NAALADL2: variants seen among roughly 807,000 people sequenced by gnomAD.
NAALADL2 encodes inactive N-acetylated-alpha-linked acidic dipeptidase-like protein 2.
Under a neutral mutation model 87.2 loss-of-function variants are expected in NAALADL2, and 76 were observed. The ratio of observed to expected loss-of-function variants is 0.87; its 90% CI spans 0.72 to 1.05. The LOEUF is 1.05. Among genes scored for constraint, NAALADL2 ranks in the 50% least tolerant of loss-of-function variants. The probability of loss-of-function intolerance (pLI) is 0.00; values close to 1 mark genes in which losing one functional copy is unlikely to be tolerated. For synonymous variants in NAALADL2, 354 were observed against 331.0 expected (o/e 1.07, Z -0.75); for missense variants, 1,089 against 945.8 (o/e 1.15, Z -1.99).
intron 1 of NAALADL2, among the ~76,000 whole-genome samples, chr3:174,499,547 AG>A (rs750873723): frequency 5.3e-5 from 8 of 152,114 alleles, no homozygotes; most frequent in Non-Finnish European, 1.2e-4. Flanking sequence ...TTATTCTAAA[AG>A]TTTTACAGTT....
intron 2 of NAALADL2, among the ~76,000 whole-genome samples, chr3:175,217,142 AG>A (rs1742677480): frequency 6.6e-6 from 1 of 152,234 alleles, no homozygotes; most frequent in Non-Finnish European, 1.5e-5. Flanking sequence ...TAATGAAAAA[AG>A]AACAATTTTA....
At chr3:175,421,478 C>A (rs1217805089) in intron 5 of NAALADL2, among the ~76,000 whole-genome samples, 1 of 152,038 alleles carries the variant, frequency 6.6e-6, no homozygotes, top group Non-Finnish European at 1.5e-5. Context: ...ACCTATCTAC[C>A]TTCTTATGCT....
At chr3:175,047,272 A>T (rs139597673) in intron 1 of NAALADL2, among the ~76,000 whole-genome samples, 53 of 152,294 alleles carry the variant, frequency 3.5e-4, no homozygotes, top group African/African-American at 1.1e-3. Context: ...TAACATTCAC[A>T]TTGTCATTAT....
chr3:174,852,553 G>A (rs1284771129), intron 3 of NAALADL2, among the ~76,000 whole-genome samples: 1 of 151,956 alleles, frequency 6.6e-6, no homozygotes, highest in Non-Finnish European at 1.5e-5. Context: ...ATTGATGAAA[G>A]AAATTGAAGA....
chr3:175,711,464 A>G (rs901231974), intron 11 of NAALADL2, among the ~76,000 whole-genome samples: 3 of 151,878 alleles, frequency 2.0e-5, no homozygotes, highest in Admixed American at 1.3e-4. Context: ...GGGCAATTAA[A>G]TTATATGTCT....
chr3:174,574,093 G>C (rs561673409), intron 2 of NAALADL2, among the ~76,000 whole-genome samples: 94 of 152,082 alleles, frequency 6.2e-4, no homozygotes, highest in Non-Finnish European at 1.1e-3. Flanking sequence ...ATTTTGAATA[G>C]TTTTCTGTGT....
chr3:175,332,019 C>A (rs962218227), intron 5 of NAALADL2, among the ~76,000 whole-genome samples: 2 of 152,004 alleles, frequency 1.3e-5, no homozygotes, highest in African/African-American at 4.8e-5. Flanking sequence ...TAAATTTAAA[C>A]AAGGAAATTA....
intron 4 of NAALADL2, among the ~76,000 whole-genome samples, chr3:175,291,425 C>G (rs1755622382): frequency 6.6e-6 from 1 of 151,998 alleles, no homozygotes; most frequent in East Asian, 1.9e-4. Flanking sequence ...ATAAGCTTTA[C>G]CAAGTAATTA....
chr3:174,523,128 C>A (rs938460813), intron 1 of NAALADL2, among the ~76,000 whole-genome samples: 1 of 152,014 alleles, frequency 6.6e-6, no homozygotes, highest in Admixed American at 6.5e-5. Flanking sequence ...CTGTGAGAAA[C>A]AAATGTCTTG....
At chr3:175,041,812 A>G (rs1364450894) in intron 1 of NAALADL2, among the ~76,000 whole-genome samples, 1 of 152,146 alleles carries the variant, frequency 6.6e-6, no homozygotes, top group African/African-American at 2.4e-5. Context: ...ACAAGCAAAA[A>G]TTGTACATAT....
At chr3:175,453,266 T>A (rs937416931) in intron 6 of NAALADL2, among the ~76,000 whole-genome samples, 2 of 152,160 alleles carry the variant, frequency 1.3e-5, no homozygotes, top group Admixed American at 1.3e-4. Context: ...ATCTTTATAT[T>A]TTTATGTTAT....
At chr3:175,499,763 G>T (rs1729293192) in intron 9 of NAALADL2, among the ~76,000 whole-genome samples, 1 of 151,982 alleles carries the variant, frequency 6.6e-6, no homozygotes, top group Non-Finnish European at 1.5e-5. Flanking sequence ...CATATTAGCT[G>T]TGTTTTTATT....
intron 1 of NAALADL2, among the ~76,000 whole-genome samples, chr3:174,983,604 C>T (rs1340639666): frequency 6.6e-6 from 1 of 152,082 alleles, no homozygotes; most frequent in African/African-American, 2.4e-5. Context: ...CTGGCTGTGT[C>T]CTCACATGGT....
intron 2 of NAALADL2, among the ~76,000 whole-genome samples, chr3:174,708,790 G>C (rs1175398098): frequency 6.6e-6 from 1 of 152,082 alleles, no homozygotes; most frequent in Non-Finnish European, 1.5e-5. Context: ...GAATTTAAAG[G>C]AGTTAAAATT....
chr3:175,151,850 T>C (rs1297211799), intron 2 of NAALADL2, among the ~76,000 whole-genome samples: 1 of 152,218 alleles, frequency 6.6e-6, no homozygotes, highest in African/African-American at 2.4e-5. Flanking sequence ...TTGTAAATGC[T>C]AACATTTATT....
chr3:174,768,449 A>T (rs1220078520), intron 3 of NAALADL2, among the ~76,000 whole-genome samples: 1 of 152,100 alleles, frequency 6.6e-6, no homozygotes, highest in Non-Finnish European at 1.5e-5. Context: ...ATAAAGTAGA[A>T]ATTTTAGTCC....
At chr3:174,686,955 C>A (rs1728101327) in intron 2 of NAALADL2, among the ~76,000 whole-genome samples, 1 of 152,058 alleles carries the variant, frequency 6.6e-6, no homozygotes, top group Admixed American at 6.6e-5. Flanking sequence ...CAAATAGGAT[C>A]TAATAAAACT....
chr3:175,358,079 A>G (rs1218717523), intron 5 of NAALADL2, among the ~76,000 whole-genome samples: 1 of 152,180 alleles, frequency 6.6e-6, no homozygotes, highest in East Asian at 1.9e-4. Context: ...AAAACCATAA[A>G]ATCGCAAGTG....
At chr3:175,011,526 A>G (rs1417671030) in intron 1 of NAALADL2, among the ~76,000 whole-genome samples, 1 of 152,212 alleles carries the variant, frequency 6.6e-6, no homozygotes. Context: ...AGAGAGTTGG[A>G]GAAATGATGG....
Sources: gnomAD v4.1 joint callset for allele counts (sites outside exome capture counted in the v4.1 genomes callset) on GRCh38, gnomAD v4.1.1 for gene constraint, MANE v1.5 for transcripts, NCBI Gene and HGNC (gene_info 2026-07-23, HGNC 2026-07-21) for gene names.